GNB4: variants seen among roughly 807,000 people sequenced by gnomAD.
GNB4 encodes the protein guanine nucleotide-binding protein subunit beta-4.
In GNB4, 28 loss-of-function variants were observed where a neutral mutation model predicts 45.2. The observed-to-expected ratio is 0.62, with a 90% CI of 0.46 to 0.85. GNB4 has a LOEUF of 0.85. GNB4 is among the 40% of genes least tolerant of loss of function. GNB4 has a pLI of 0.00. For synonymous variants in GNB4, 132 were observed against 143.7 expected (o/e 0.92, Z 0.58); for missense variants, 321 against 425.4 (o/e 0.75, Z 2.16).
At chr3:179,461,358 G>T in the GNB4 span, among the ~76,000 whole-genome samples, 1 of 152,150 alleles carries the variant, frequency 6.6e-6, no homozygotes. Flanking sequence ...TTAGCCAGGT[G>T]TGGTAGCGGG....
chr3:179,493,494 C>G, the GNB4 span, among the ~76,000 whole-genome samples: 1 of 143,604 alleles, frequency 7.0e-6, no homozygotes, highest in Non-Finnish European at 1.5e-5. Flanking sequence ...TCTATGAACT[C>G]AAGCACAAGT....
At chr3:179,459,085 G>T in the GNB4 span, among the ~76,000 whole-genome samples, 1 of 152,196 alleles carries the variant, frequency 6.6e-6, no homozygotes, top group African/African-American at 2.4e-5. Flanking sequence ...GGAGATTTAG[G>T]CTCAGAGAAT....
the GNB4 span, among the ~76,000 whole-genome samples, chr3:179,466,837 T>C: frequency 1.2e-4 from 19 of 152,298 alleles, no homozygotes; most frequent in African/African-American, 4.1e-4. Flanking sequence ...AACAGAGTAG[T>C]TTTCCAGCTT....
the GNB4 span, among the ~76,000 whole-genome samples, chr3:179,469,598 C>T: frequency 4.9e-4 from 74 of 152,070 alleles, no homozygotes; most frequent in South Asian, 7.7e-3. Flanking sequence ...TTAATCACAC[C>T]ATAAAATAGC....
At chr3:179,442,116 A>G (rs1162118746) in intron 1 of GNB4, among the ~76,000 whole-genome samples, 1 of 152,168 alleles carries the variant, frequency 6.6e-6, no homozygotes, top group South Asian at 2.1e-4. Flanking sequence ...CGACTGAAAT[A>G]TCGTTATGGG....
At chr3:179,496,245 T>C in the GNB4 span, among the ~76,000 whole-genome samples, 73 of 152,230 alleles carry the variant, frequency 4.8e-4, 2 homozygotes, top group South Asian at 0.015. Flanking sequence ...TTTTATTAAC[T>C]TAAAATAGAC....
At chr3:179,446,716 C>T (rs1057280140) in intron 1 of GNB4, among the ~76,000 whole-genome samples, 3 of 152,286 alleles carry the variant, frequency 2.0e-5, no homozygotes, top group South Asian at 4.1e-4. Context: ...AAGGTGATAA[C>T]GTGAAAACAC....
At chr3:179,438,050 C>T (rs928853044) in intron 1 of GNB4, among the ~76,000 whole-genome samples, 2 of 151,068 alleles carry the variant, frequency 1.3e-5, no homozygotes, top group African/African-American at 2.4e-5. Flanking sequence ...CTAGCCTGGG[C>T]GACAGAGTGA....
chr3:179,481,787 A>G, the GNB4 span, among the ~76,000 whole-genome samples: 1,357 of 152,356 alleles, frequency 8.9e-3, 33 homozygotes, highest in African/African-American at 0.031. Flanking sequence ...GCTCCAAAAC[A>G]AAGTCGACGT....
the GNB4 span, among the ~76,000 whole-genome samples, chr3:179,463,006 T>A: frequency 6.6e-6 from 1 of 152,122 alleles, no homozygotes; most frequent in African/African-American, 2.4e-5. Context: ...AAAGGAAAGA[T>A]TGAACTGAAA....
chr3:179,403,806 A>AAAAT (rs1553850325), intron 9 of GNB4, among the ~76,000 whole-genome samples: 1 of 150,444 alleles, frequency 6.6e-6, no homozygotes, highest in Non-Finnish European at 1.5e-5. Flanking sequence ...TCAAAAAAAT[A>AAAAT]AAATAAAATA....
chr3:179,415,022 G>T lies in GNB4; in HGVS notation c.293C>A (p.Ser98Tyr). ...AGCATAAGCACAGGTCATCACCCAGGAGGACCTCAAAGGAATAGCATGCAT... is the reference window on the plus strand; with the variant it reads ...AGCATAAGCACAGGTCATCACCCAGTAGGACCTCAAAGGAATAGCATGCAT... ...NKMHAIPLRS[S>Y]WVMTCAYAPS... The change falls in exon 6 of 10, where the codon TCC becomes TAC. Residue 98 changes from serine (S) to tyrosine (Y), a missense_variant. Coordinates refer to ENST00000232564, the MANE Select transcript of GNB4 (RefSeq NM_021629.4). 1 of 1,606,028 alleles carries T rather than the reference G, an allele frequency of 6.2e-7. No individual in the cohort carries two copies. Among genetic ancestry groups the T allele is most frequent in the Non-Finnish European group, 8.5e-7 (1 of 1,174,626 alleles).
the GNB4 span, among the ~76,000 whole-genome samples, chr3:179,463,395 G>A: frequency 6.6e-6 from 1 of 152,152 alleles, no homozygotes; most frequent in African/African-American, 2.4e-5. Context: ...CCACAAGAGA[G>A]GGAAATAACT....
intron 9 of GNB4, among the ~76,000 whole-genome samples, chr3:179,402,097 T>C (rs1012404678): frequency 6.6e-5 from 10 of 152,240 alleles, no homozygotes; most frequent in Admixed American, 5.2e-4. Context: ...TAACTCTTAA[T>C]ATTCTCTATA....
intron 9 of GNB4, among the ~76,000 whole-genome samples, chr3:179,403,432 G>A (rs1039965432): frequency 6.6e-6 from 1 of 151,826 alleles, no homozygotes; most frequent in Non-Finnish European, 1.5e-5. Context: ...TTAACAGAAG[G>A]GTGGAAACCT....
intron 1 of GNB4, among the ~76,000 whole-genome samples, chr3:179,432,347 A>G (rs1715331873): frequency 6.6e-6 from 1 of 152,204 alleles, no homozygotes; most frequent in Non-Finnish European, 1.5e-5. Flanking sequence ...TTTAAAAAAA[A>G]ACACAACTGA....
chr3:179,466,744 G>A, the GNB4 span, among the ~76,000 whole-genome samples: 2 of 152,148 alleles, frequency 1.3e-5, no homozygotes, highest in African/African-American at 2.4e-5. Flanking sequence ...TAAAAGCTAT[G>A]GAAATTAAAA....
At position 179,418,385 on chromosome 3, in the gene GNB4, C is replaced by T. The variant is rs150732215; in HGVS notation, c.203+1014G>A. Among the ~76,000 whole-genome samples the T allele has an allele frequency of 2.1e-3, 312 of 146,362 alleles. 1 individual carries two copies. Among genetic ancestry groups the T allele is most frequent in the African/African-American group, 7.5e-3 (298 of 39,766 alleles). On this transcript the variant is annotated intron_variant, in intron 4 of 9. Transcript: ENST00000232564. ...CTTGGGAGGCTGAAGCAGGAAAATC[C>T]CTTGAACCTGGGAGGCAGAGGTTGC... is the stretch of plus-strand genomic sequence containing the variant.
At chr3:179,496,625 C>A in the GNB4 span, among the ~76,000 whole-genome samples, 17 of 151,854 alleles carry the variant, frequency 1.1e-4, no homozygotes, top group Non-Finnish European at 2.2e-4. Context: ...GACACATAGG[C>A]TGAAAATAAA....
Sources: allele counts gnomAD v4.1 joint callset (sites outside exome capture counted in the v4.1 genomes callset), GRCh38; gene constraint gnomAD v4.1.1; transcripts MANE v1.5; gene names NCBI Gene and HGNC (gene_info 2026-07-23, HGNC 2026-07-21).